PLEKHG3: variants seen among roughly 807,000 people sequenced by gnomAD.
PLEKHG3 encodes the protein pleckstrin homology domain-containing family G member 3.
A neutral mutation model predicts 94.9 loss-of-function variants in PLEKHG3; 62 were observed. The observed-to-expected ratio is 0.65, with a 90% CI of 0.53 to 0.81. The LOEUF is 0.81. PLEKHG3 is among the 30% of genes least tolerant of loss of function. The pLI is 0.00. For missense variants in PLEKHG3, 1,461 were observed against 1,619.3 expected (o/e 0.90, Z 1.68); for synonymous variants, 614 against 654.0 (o/e 0.94, Z 0.93).
At chr14:64,742,511 T>C (rs1458034182) in intron 16 of PLEKHG3, 56 bp downstream of exon 16, 1 of 1,331,800 alleles carries the variant, frequency 7.5e-7, no homozygotes, top group Non-Finnish European at 1.0e-6. Flanking sequence ...GAAGAGTCAA[T>C]AAGGAGCCAC....
rs1423140886 is a variant in PLEKHG3, at chr14:64,731,262, G to A, written c.849+93G>A. The A allele has an allele frequency of 5.4e-5, 78 of 1,456,916 alleles. No homozygotes were observed. The highest frequency in any genetic ancestry group is 7.0e-5 in the Non-Finnish European group (73 of 1,049,268). 90.2% of individuals were successfully genotyped at this position (1,456,916 alleles called of 1,614,324 possible). ...GACTGTGGCCACCCTGCTGGGATGAGCTGGGCAGTGGCATTGGGGGAGCCT... is the reference window on the plus strand; with the variant it reads ...GACTGTGGCCACCCTGCTGGGATGAACTGGGCAGTGGCATTGGGGGAGCCT... On this transcript the variant is annotated intron_variant, in intron 7 of 16. Transcript: ENST00000247226. The surrounding 1 kb of genome is among the most constrained non-coding windows in gnomAD (Gnocchi z 6.1).
Position 64,704,985 on chromosome 14 carries a change from G to A in PLEKHG3, c.-40+281G>A, listed in dbSNP as rs886904659. Among the ~76,000 whole-genome samples, 1 of 152,188 alleles carries A rather than the reference G, an allele frequency of 6.6e-6. No individual in the cohort carries two copies. The highest frequency in any genetic ancestry group is 6.5e-5 in the Admixed American group (1 of 15,292). ...ACAAAAGGGGCAAATGCGCCGGGCG[G>A]CTCCAGAGAGGCTCAGTTTGAAATC... On this transcript the variant is annotated intron_variant, in intron 1 of 16. Transcript: ENST00000247226. This position sits in a 1 kb window ranked among gnomAD's most constrained non-coding sequence, Gnocchi z 5.6.
rs2081396815 is a variant in PLEKHG3 at position 64,728,558 on chromosome 14, G to A, written c.352-438G>A. Among the ~76,000 whole-genome samples, 2 of 152,334 alleles carry A rather than the reference G, an allele frequency of 1.3e-5. No individual in the cohort carries two copies. The highest frequency in any genetic ancestry group is 2.9e-5 in the Non-Finnish European group (2 of 68,014). On this transcript the variant is annotated intron_variant, in intron 2 of 16. Coordinates refer to ENST00000247226, the MANE Select transcript of PLEKHG3 (RefSeq NM_001308147.2). This position sits in a 1 kb window ranked among gnomAD's most constrained non-coding sequence, Gnocchi z 5.9. ...CAGAAGTCCAAAAATCAATGTGTTG[G>A]CTGGGTTGGCTCCCTTCAGAGCCTC...
At position 64,728,431 on chromosome 14, in the gene PLEKHG3, A is replaced by G. The variant is rs1315481021; in HGVS notation, c.351+449A>G. Among the ~76,000 whole-genome samples, 6 of 152,246 alleles carry G rather than the reference A, an allele frequency of 3.9e-5. No individual in the cohort carries two copies. The highest frequency in any genetic ancestry group is 7.3e-5 in the Non-Finnish European group (5 of 68,048). Reference sequence around the variant, plus strand: ...TGCCACTGAGGAAGCCCTCTGCCCCACTGGCTCAGGGCGTGGATTAGTTTC... The same window carrying G: ...TGCCACTGAGGAAGCCCTCTGCCCCGCTGGCTCAGGGCGTGGATTAGTTTC... On this transcript the variant is annotated intron_variant, in intron 2 of 16. Transcript: ENST00000247226. This position sits in a 1 kb window ranked among gnomAD's most constrained non-coding sequence, Gnocchi z 5.9.
intron 3 of PLEKHG3, among the ~76,000 whole-genome samples, chr14:64,729,730 G>C (rs2081423251): frequency 6.6e-6 from 1 of 152,176 alleles, no homozygotes; most frequent in African/African-American, 2.4e-5. Context: ...AGCTGGAGAA[G>C]TCTGGGAGGG....
chr14:64,744,667 G>A lies in PLEKHG3; in HGVS notation c.*964G>A, dbSNP rs2139402064. ...CCAGAGTTGGACCAAGAAAAAGGGA[G>A]GTGGTGAGGTGGATAGACTGTTTTT... On this transcript the variant is annotated 3_prime_UTR_variant, in exon 17 of 17. Coordinates refer to ENST00000247226, the MANE Select transcript of PLEKHG3 (RefSeq NM_001308147.2). 6.6e-6 allele frequency: 1 copy of A among 152,284 alleles called. No individual in the cohort carries two copies. The highest frequency in any genetic ancestry group is 1.9e-4 in the East Asian group (1 of 5,190). 9.4% of individuals were successfully genotyped at this position (152,284 alleles called of 1,614,324 possible).
Position 64,738,824 on chromosome 14 carries a change from T to A in PLEKHG3, c.1487T>A (p.Met496Lys). The change falls in exon 15 of 17, where the codon ATG becomes AAG. Residue 496 changes from methionine (M) to lysine (K), a missense_variant. By Grantham distance (95) the Met-to-Lys change is moderately conservative. Coordinates refer to ENST00000247226, the MANE Select transcript of PLEKHG3 (RefSeq NM_001308147.2). The surrounding 1 kb of genome is among the most constrained non-coding windows in gnomAD (Gnocchi z 4.8). ...TCTCCAACCAGTACTGAGAAGCGCA[T>A]GAGCTTCGAGTCCATTTCTTCCCTG... ...GRSPTSTEKR[M>K]SFESISSLPE... 1 of 1,592,878 alleles carries A rather than the reference T, an allele frequency of 6.3e-7. No homozygotes were observed. The highest frequency in any genetic ancestry group is 8.6e-7 in the Non-Finnish European group (1 of 1,168,602).
chr14:64,740,018 C>G (rs1330214951), intron 15 of PLEKHG3, among the ~76,000 whole-genome samples: 1 of 152,122 alleles, frequency 6.6e-6, no homozygotes. Flanking sequence ...TTTATTTAAC[C>G]CAATGTATAC....
rs777194325 is a variant in PLEKHG3, at chr14:64,741,501, A to G, written c.1984A>G (p.Ser662Gly). The G allele has an allele frequency of 2.5e-6, 4 of 1,612,876 alleles. No homozygotes were observed. The highest frequency in any genetic ancestry group is 1.7e-5 in the Admixed American group (1 of 60,028). The change falls in exon 16 of 17, where the codon AGC becomes GGC. Residue 662 changes from serine to glycine, a missense_variant. Around this residue, in one of 3 missense-constraint regions of PLEKHG3, gnomAD observed 1,201 missense variants for 1,295.5 expected, o/e 0.93. Coordinates refer to ENST00000247226, the MANE Select transcript of PLEKHG3 (RefSeq NM_001308147.2). The part of the protein sequence containing the change: ...ARHGSATDSL[S>G]CQLSPEVDIS... ...GCATGGCAGTGCCACAGACTCCCTC[A>G]GCTGTCAGCTCTCCCCAGAAGTGGA...
At chr14:64,710,184 A>G (rs879086461) in intron 1 of PLEKHG3, among the ~76,000 whole-genome samples, 6 of 152,194 alleles carry the variant, frequency 3.9e-5, no homozygotes, top group Admixed American at 3.3e-4. Context: ...ATAATATCCA[A>G]TAACACCTCT....
rs2081582315 is a variant in PLEKHG3, at chr14:64,736,911, A to C, written c.1384+20A>C. On this transcript the variant is annotated intron_variant, in intron 13 of 16. Coordinates refer to ENST00000247226, the MANE Select transcript of PLEKHG3 (RefSeq NM_001308147.2). ...AGAAAGGTGAGTGTGTGAGGTGGCC[A>C]GCCATTCCCAGTGAGCGGGGGAGGA... The C allele has an allele frequency of 6.2e-7, 1 of 1,602,664 alleles. No individual in the cohort carries two copies.
intron 3 of PLEKHG3, among the ~76,000 whole-genome samples, chr14:64,729,590 T>C (rs1181505383): frequency 6.6e-6 from 1 of 152,166 alleles, no homozygotes; most frequent in African/African-American, 2.4e-5. Context: ...GTCTCCTGCC[T>C]GGGACCACAG....
rs1452356904 is a variant in PLEKHG3, at chr14:64,721,168, G to A, written c.-39-6425G>A. 6.6e-6 allele frequency among the ~76,000 whole-genome samples: 1 copy of A among 152,234 alleles called. No individual in the cohort carries two copies. The highest frequency in any genetic ancestry group is 1.5e-5 in the Non-Finnish European group (1 of 68,052). ...TTATTCAGCTTACACTAGTGTGTAT[G>A]TTGGGAAATGGTTGAGGAGGCCTTT... On this transcript the variant is annotated intron_variant, in intron 1 of 16. Transcript: ENST00000247226. This position sits in a 1 kb window ranked among gnomAD's most constrained non-coding sequence, Gnocchi z 4.3.
rs535700344 is a variant in PLEKHG3, at chr14:64,726,407, A to G, written c.-39-1186A>G. On this transcript the variant is annotated intron_variant, in intron 1 of 16. Transcript: ENST00000247226. The surrounding 1 kb of genome is among the most constrained non-coding windows in gnomAD (Gnocchi z 5.1). ...GGGTGAGAGGGATGCCCAGGAACTT[A>G]CTGTTTTCCTGTGAAATAGCAATGA... 6.6e-6 allele frequency among the ~76,000 whole-genome samples: 1 copy of G among 152,236 alleles called. No homozygotes were observed. Among genetic ancestry groups the G allele is most frequent in the Admixed American group, 6.5e-5 (1 of 15,298 alleles).
chr14:64,706,563 G>C (rs976270896), intron 1 of PLEKHG3, among the ~76,000 whole-genome samples: 3 of 152,208 alleles, frequency 2.0e-5, no homozygotes, highest in Non-Finnish European at 4.4e-5. Flanking sequence ...ACAGTGGCTC[G>C]GGAGGGAGTC....
intron 12 of PLEKHG3, among the ~76,000 whole-genome samples, chr14:64,734,588 A>G (rs1046228584): frequency 2.0e-5 from 3 of 152,256 alleles, no homozygotes; most frequent in South Asian, 2.1e-4. Context: ...GAAATGAGCC[A>G]TTTTAAAGAG....
Position 64,715,873 on chromosome 14 carries a change from A to C in PLEKHG3, c.-40+11169A>C, listed in dbSNP as rs992986925. ...CAGCAATCAGGAATGAGAGAAATGC[A>C]GAAAGTATGACCCACACGCAGAACT... On this transcript the variant is annotated intron_variant, in intron 1 of 16. Transcript: ENST00000247226. The surrounding 1 kb of genome is among the most constrained non-coding windows in gnomAD (Gnocchi z 4.4). 7 of 346,402 alleles carry C rather than the reference A, an allele frequency of 2.0e-5. No homozygotes were observed. The highest frequency in any genetic ancestry group is 3.8e-5 in the Admixed American group (1 of 26,412). The allele number at this position is 346,402 out of a possible 1,614,324, so 21.5% of individuals were successfully genotyped here. A position where few individuals can be genotyped will look rare whatever the true frequency, so the allele number is the denominator to read the frequency against.
intron 3 of PLEKHG3, among the ~76,000 whole-genome samples, chr14:64,729,895 C>T (rs761944172): frequency 5.9e-5 from 9 of 152,176 alleles, no homozygotes; most frequent in Middle Eastern, 3.2e-3. Flanking sequence ...CTTTGCTAGT[C>T]CCCATTCTCT....
Position 64,748,933 on chromosome 14 carries a change from G to T in PLEKHG3, c.*5230G>T. 5.6e-6 allele frequency: 1 copy of T among 177,778 alleles called. No individual in the cohort carries two copies. Among genetic ancestry groups the T allele is most frequent in the Admixed American group, 7.6e-5 (1 of 13,238 alleles). The allele number at this position is 177,778 out of a possible 1,614,324, so 11.0% of individuals were successfully genotyped here. On this transcript the variant is annotated 3_prime_UTR_variant, in exon 17 of 17. Transcript: ENST00000247226. ...TGAAGAACCCCATCAGCCTTCTCCA[G>T]CTCTTTTTTTTTTTTTTTTTTGGTT... is the stretch of plus-strand genomic sequence containing the variant.
Sources: gnomAD v4.1 joint callset for allele counts (sites outside exome capture counted in the v4.1 genomes callset) on GRCh38, gnomAD v4.1.1 for gene constraint, gnomAD v4.1.1 regional missense constraint, Gnocchi (gnomAD v3.1) non-coding constraint, MANE v1.5 for transcripts, NCBI Gene and HGNC (gene_info 2026-07-23, HGNC 2026-07-21) for gene names.